LEF1: variants seen among roughly 807,000 people sequenced by gnomAD.
LEF1 encodes lymphoid enhancer-binding factor 1.
LEF1 carries 14 observed loss-of-function variants against 51.2 expected under a neutral mutation model. That is an observed-to-expected ratio of 0.27 (90% CI 0.18 to 0.43). LEF1 has a LOEUF of 0.43. LEF1 is among the 20% of genes least tolerant of loss of function. The probability of loss-of-function intolerance (pLI) is 1.00; values close to 1 mark genes in which losing one functional copy is unlikely to be tolerated. For synonymous variants in LEF1, 185 were observed against 183.2 expected (o/e 1.01, Z -0.08); for missense variants, 386 against 512.0 (o/e 0.75, Z 2.37).
intron 3 of LEF1, among the ~76,000 whole-genome samples, chr4:108,126,307 A>G (rs962631310): frequency 6.6e-6 from 1 of 152,136 alleles, no homozygotes; most frequent in African/African-American, 2.4e-5. Context: ...TAAGTCCCCA[A>G]CTAGGACTTA....
At chr4:108,058,875 T>C (rs947968938) in intron 11 of LEF1, among the ~76,000 whole-genome samples, 5 of 152,200 alleles carry the variant, frequency 3.3e-5, no homozygotes, top group African/African-American at 1.2e-4. Flanking sequence ...TGATTAGTGT[T>C]CATGACACCG....
At chr4:108,091,459 A>G (rs1740018635) in intron 3 of LEF1, among the ~76,000 whole-genome samples, 2 of 151,866 alleles carry the variant, frequency 1.3e-5, no homozygotes, top group South Asian at 2.1e-4. Context: ...GGGGGGAAAA[A>G]AAAGGAAAAA....
intron 3 of LEF1, among the ~76,000 whole-genome samples, chr4:108,122,731 C>T (rs1213970742): frequency 2.0e-5 from 3 of 152,148 alleles, no homozygotes; most frequent in Non-Finnish European, 4.4e-5. Context: ...AGCAATCCTC[C>T]GACCTTGGCC....
intron 3 of LEF1, among the ~76,000 whole-genome samples, chr4:108,119,899 T>C (rs1742055597): frequency 6.6e-6 from 1 of 152,180 alleles, no homozygotes; most frequent in Non-Finnish European, 1.5e-5. Flanking sequence ...AAAATATTTA[T>C]TAATTTGCTT....
At chr4:108,121,372 T>TA (rs1210041812) in intron 3 of LEF1, among the ~76,000 whole-genome samples, 1 of 152,268 alleles carries the variant, frequency 6.6e-6, no homozygotes, top group Non-Finnish European at 1.5e-5. Flanking sequence ...ATGGACCCCC[T>TA]AAAAATGTCT....
chr4:108,132,665 T>TC (rs1742973672), intron 3 of LEF1, among the ~76,000 whole-genome samples: 1 of 113,238 alleles, frequency 8.8e-6, no homozygotes, highest in Non-Finnish European at 1.8e-5. Flanking sequence ...CTGCCTTTTT[T>TC]TTTTTTTTTT....
chr4:108,059,353 C>T (rs1737520769), intron 11 of LEF1, among the ~76,000 whole-genome samples: 1 of 152,224 alleles, frequency 6.6e-6, no homozygotes, highest in African/African-American at 2.4e-5. Context: ...GTTCTTACTT[C>T]ATCACCTAGG....
chr4:108,066,101 C>T (rs1357847155), intron 9 of LEF1, among the ~76,000 whole-genome samples: 2 of 152,168 alleles, frequency 1.3e-5, no homozygotes, highest in Non-Finnish European at 2.9e-5. Flanking sequence ...CGGAGTTTCA[C>T]CACGTTGGCC....
rs1741130240 is a variant in LEF1 at position 108,105,875 on chromosome 4, T to C, written c.415-16618A>G. 3.3e-5 allele frequency among the ~76,000 whole-genome samples: 5 copies of C among 152,346 alleles called. No individual in the cohort carries two copies. In the South Asian group the frequency reaches 1.0e-3, roughly 32 times the overall value. On this transcript the variant is annotated intron_variant, in intron 3 of 11. Transcript: ENST00000265165. ...AAACTTCCACTTCAAAGTAATCAAG[T>C]GCAAAGCAGTTTATTAATGTAGAAT...
chr4:108,090,003 T>C (rs1205500133), intron 3 of LEF1, among the ~76,000 whole-genome samples: 1 of 152,126 alleles, frequency 6.6e-6, no homozygotes, highest in Non-Finnish European at 1.5e-5. Flanking sequence ...TTTTTTGAGA[T>C]GGAGTTTCAC....
At chr4:108,093,715 G>T (rs1369250781) in intron 3 of LEF1, among the ~76,000 whole-genome samples, 1 of 152,016 alleles carries the variant, frequency 6.6e-6, no homozygotes, top group Non-Finnish European at 1.5e-5. Context: ...GCAGGTGATT[G>T]GTGGGTGAGC....
intron 3 of LEF1, among the ~76,000 whole-genome samples, chr4:108,139,348 T>C (rs1432980717): frequency 6.6e-6 from 1 of 152,248 alleles, no homozygotes; most frequent in Non-Finnish European, 1.5e-5. Flanking sequence ...TTATGATGGT[T>C]TTAGTCAAAT....
At chr4:108,102,668 C>T (rs1420325749) in intron 3 of LEF1, among the ~76,000 whole-genome samples, 1 of 152,156 alleles carries the variant, frequency 6.6e-6, no homozygotes, top group Admixed American at 6.6e-5. Context: ...TGTATGATTA[C>T]AGAGCTAGGG....
At chr4:108,122,922 T>C (rs936426864) in intron 3 of LEF1, among the ~76,000 whole-genome samples, 1 of 152,242 alleles carries the variant, frequency 6.6e-6, no homozygotes, top group African/African-American at 2.4e-5. Flanking sequence ...CACATGCATG[T>C]AGTAACTACC....
chr4:108,139,873 G>A (rs1365377115), intron 3 of LEF1, among the ~76,000 whole-genome samples: 2 of 151,906 alleles, frequency 1.3e-5, no homozygotes, highest in African/African-American at 2.4e-5. Context: ...AAATGGTTCA[G>A]ATAGTTATAA....
At chr4:108,166,726 G>C (rs1325485781) in intron 1 of LEF1, 3 of 989,830 alleles carry the variant, frequency 3.0e-6, no homozygotes, top group Non-Finnish European at 3.6e-6. Flanking sequence ...ACTAGTGCCC[G>C]GCTTCCGCTG....
chr4:108,088,993 CTT>C, intron 4 of LEF1, 130 bp downstream of exon 4: 1 of 974,122 alleles, frequency 1.0e-6, no homozygotes, highest in Admixed American at 2.1e-5. Flanking sequence ...ATGAATTACT[CTT>C]GTCTTGTAAA....
intron 3 of LEF1, among the ~76,000 whole-genome samples, chr4:108,127,237 C>G (rs1321216520): frequency 6.6e-6 from 1 of 152,176 alleles, no homozygotes; most frequent in African/African-American, 2.4e-5. Context: ...TCTCATTTGA[C>G]AAGTTAATTC....
chr4:108,064,128 G>C (rs551187664), intron 10 of LEF1, among the ~76,000 whole-genome samples: 20 of 152,222 alleles, frequency 1.3e-4, no homozygotes, highest in African/African-American at 4.8e-4. Context: ...GACAGGGTTT[G>C]GGAAACAGTT....
Sources: gnomAD v4.1 joint callset for allele counts (sites outside exome capture counted in the v4.1 genomes callset) on GRCh38, gnomAD v4.1.1 for gene constraint, MANE v1.5 for transcripts, NCBI Gene and HGNC (gene_info 2026-07-23, HGNC 2026-07-21) for gene names.